Variants in FRMPD1 observed in about 807,000 individuals in gnomAD.
FRMPD1 encodes FERM and PDZ domain containing 1, also known as FERM and PDZ domain-containing protein 1.
In FRMPD1, 76 loss-of-function variants were observed where a neutral mutation model predicts 117.8. The observed-to-expected ratio is 0.65, with a 90% CI of 0.54 to 0.78. The LOEUF is 0.78. FRMPD1 is among the 30% of genes least tolerant of loss of function. The probability of loss-of-function intolerance (pLI) is 0.00; values close to 1 mark genes in which losing one functional copy is unlikely to be tolerated. For missense variants in FRMPD1, 1,786 were observed against 1,964.5 expected, an observed-to-expected ratio of 0.91 and a Z score of 1.72; for synonymous variants, 783 against 770.4, an observed-to-expected ratio of 1.02 and a Z score of -0.27.
chr9:37,745,714 G>A lies in FRMPD1; in HGVS notation c.3682G>A (p.Ala1228Thr). ...AGCCGTCCCTCCAGAGGGGATCAAG[G>A]CAGAGGCACCTAACCATGTGACAGG... Reference protein sequence around the residue: ...SPAVPPEGIKAEAPNHVTGQD... With the variant: ...SPAVPPEGIKTEAPNHVTGQD... The change falls in exon 16 of 16, where the codon GCA (alanine) becomes ACA (threonine). Residue 1228 changes from alanine (A) to threonine (T), a missense_variant. Coordinates refer to ENST00000377765, the MANE Select transcript of FRMPD1 (RefSeq NM_014907.3). The A allele has an allele frequency of 6.2e-7, 1 of 1,614,144 alleles. No individual in the cohort carries two copies. Among genetic ancestry groups the A allele is most frequent in the South Asian group, 1.1e-5 (1 of 91,076 alleles).
chr9:37,636,750 C>T, the FRMPD1 span: 9 of 1,593,818 alleles, frequency 5.6e-6, no homozygotes, highest in South Asian at 2.3e-5. Flanking sequence ...TTGGGCCGCT[C>T]GCCCCCGGAG....
At chr9:37,705,199 G>A (rs1822660412) in intron 2 of FRMPD1, among the ~76,000 whole-genome samples, 1 of 151,280 alleles carries the variant, frequency 6.6e-6, no homozygotes, top group African/African-American at 2.4e-5. Context: ...AATGTCATCT[G>A]CTAAAAAACA....
chr9:37,608,976 A>G, the FRMPD1 span, among the ~76,000 whole-genome samples: 2 of 152,156 alleles, frequency 1.3e-5, no homozygotes, highest in African/African-American at 2.4e-5. Flanking sequence ...TGTCCACTCA[A>G]CATCTCTGTT....
At chr9:37,680,548 G>A (rs933527806) in intron 1 of FRMPD1, among the ~76,000 whole-genome samples, 1 of 152,144 alleles carries the variant, frequency 6.6e-6, no homozygotes, top group African/African-American at 2.4e-5. Flanking sequence ...CATGGCAAAA[G>A]TCAGGAGGGC....
chr9:37,740,093 C>T lies in FRMPD1; in HGVS notation c.1565C>T (p.Ala522Val). ...VSAEEGYESR[A>V]CSDSEESSEV... ...TGTGTTGCAGGCTATGAATCCAGGG[C>T]CTGCAGTGACTCAGAGGAGTCCTCT... Residue 522 changes from alanine to valine, a missense_variant, in exon 15 of 16, where the codon GCC (alanine) becomes GTC (valine). By Grantham distance (64) the Ala-to-Val change is moderately conservative. Coordinates refer to ENST00000377765, the MANE Select transcript of FRMPD1 (RefSeq NM_014907.3). The surrounding 1 kb of genome is among the most constrained non-coding windows in gnomAD (Gnocchi z 4.2). 6.2e-7 allele frequency: 1 copy of T among 1,603,170 alleles called. No homozygotes were observed.
Position 37,740,818 on chromosome 9 carries a change from G to A in FRMPD1, c.2290G>A (p.Asp764Asn), listed in dbSNP as rs749165010. The A allele has an allele frequency of 1.9e-6, 3 of 1,614,166 alleles. No individual in the cohort carries two copies. The South Asian group carries it at 3.3e-5, about 18-fold the overall frequency. ...LALHPPLAFE[D>N]GSSDEEYYDA... The stretch of plus-strand genomic sequence containing the variant: ...CCTGCACCCACCACTGGCCTTTGAG[G>A]ATGGCAGCTCAGATGAGGAATACTA... The change falls in exon 15 of 16, where the codon GAT (aspartate) becomes AAT (asparagine). Residue 764 changes from aspartate (D) to asparagine (N), a missense_variant. Physicochemically the swap from Asp to Asn is conservative, Grantham distance 23. Coordinates refer to ENST00000377765, the MANE Select transcript of FRMPD1 (RefSeq NM_014907.3). This position sits in a 1 kb window ranked among gnomAD's most constrained non-coding sequence, Gnocchi z 4.2.
At chr9:37,713,736 A>G (rs1822998168) in intron 5 of FRMPD1, among the ~76,000 whole-genome samples, 1 of 152,104 alleles carries the variant, frequency 6.6e-6, no homozygotes, top group Admixed American at 6.5e-5. Flanking sequence ...TCTGTGGGAG[A>G]AAAGGCAATT....
chr9:37,616,023 G>A, the FRMPD1 span, among the ~76,000 whole-genome samples: 1 of 151,434 alleles, frequency 6.6e-6, no homozygotes, highest in Non-Finnish European at 1.5e-5. Flanking sequence ...CACCATGTTG[G>A]TCAGGCTGGT....
At chr9:37,697,929 A>G (rs1476827451) in intron 2 of FRMPD1, among the ~76,000 whole-genome samples, 1 of 152,230 alleles carries the variant, frequency 6.6e-6, no homozygotes, top group East Asian at 1.9e-4. Context: ...AGCCTGGCCA[A>G]CATAGTGAAA....
chr9:37,741,733 T>A (rs1336077214), intron 15 of FRMPD1, among the ~76,000 whole-genome samples: 2 of 152,162 alleles, frequency 1.3e-5, no homozygotes, highest in African/African-American at 4.8e-5. Context: ...CTCTCCCTCC[T>A]CCTGCATTCC....
chr9:37,670,262 C>T lies in FRMPD1; in HGVS notation c.-5+19168C>T, dbSNP rs1014371071. Among the ~76,000 whole-genome samples, 5 of 152,014 alleles carry T rather than the reference C, an allele frequency of 3.3e-5. 1 individual carries two copies. The highest frequency in any genetic ancestry group is 5.9e-5 in the Non-Finnish European group (4 of 68,014). On this transcript the variant is annotated intron_variant, in intron 1 of 15. Transcript: ENST00000377765. ...TGTTAAGTGCTGGGGGAGACGTATT[C>T]GAGTTTATCAGGAGGTAGAGAACAT...
intron 1 of FRMPD1, among the ~76,000 whole-genome samples, chr9:37,664,281 T>TTATG (rs751709624): frequency 1.7e-4 from 25 of 151,262 alleles, no homozygotes; most frequent in South Asian, 8.5e-4. Context: ...GCATCGACAT[T>TTATG]TATGTATGTA....
At chr9:37,684,232 C>G (rs530170037) in intron 1 of FRMPD1, among the ~76,000 whole-genome samples, 3 of 152,326 alleles carry the variant, frequency 2.0e-5, no homozygotes, top group Non-Finnish European at 4.4e-5. Context: ...GACAAGCAAG[C>G]TAATCTGATT....
the FRMPD1 span, chr9:37,637,347 G>A: frequency 3.6e-6 from 3 of 839,620 alleles, no homozygotes; most frequent in African/African-American, 1.7e-5. Flanking sequence ...TCCGCCTCCC[G>A]TTCCAAGATG....
intron 2 of FRMPD1, among the ~76,000 whole-genome samples, chr9:37,701,460 T>A (rs967940057): frequency 1.3e-5 from 2 of 151,474 alleles, no homozygotes; most frequent in Admixed American, 6.6e-5. Flanking sequence ...TGATTGGATA[T>A]GTTGGGGAAA....
intron 1 of FRMPD1, among the ~76,000 whole-genome samples, chr9:37,651,880 G>A (rs1290074811): frequency 6.6e-6 from 1 of 152,206 alleles, no homozygotes; most frequent in Admixed American, 6.5e-5. Flanking sequence ...CCGGATCTCT[G>A]CATTTAGTCA....
Position 37,733,513 on chromosome 9 carries a change from C to T in FRMPD1, c.1036C>T (p.Leu346Phe). 6.2e-7 allele frequency: 1 copy of T among 1,613,666 alleles called. No individual in the cohort carries two copies. Among genetic ancestry groups the T allele is most frequent in the Non-Finnish European group, 8.5e-7 (1 of 1,179,634 alleles). The change falls in exon 11 of 16, where the codon CTC becomes TTC. Residue 346 changes from leucine (L) to phenylalanine (F), a missense_variant. Leu to Phe is a conservative substitution (Grantham distance 22). Transcript: ENST00000377765. ...AGAGAACTTTATATCTCCAACTTTA[C>T]TCCGAAACATGAAAGGCAAAGACAT... is the stretch of plus-strand genomic sequence containing the variant. ...GIENFISPTL[L>F]RNMKGKDIKK...
intron 1 of FRMPD1, among the ~76,000 whole-genome samples, chr9:37,666,802 G>A (rs532884703): frequency 6.6e-6 from 1 of 152,332 alleles, no homozygotes; most frequent in East Asian, 1.9e-4. Flanking sequence ...ATAAAGGAAT[G>A]AAACGGGCAT....
chr9:37,612,622 G>A, the FRMPD1 span, among the ~76,000 whole-genome samples: 3 of 150,950 alleles, frequency 2.0e-5, no homozygotes, highest in African/African-American at 4.9e-5. Context: ...GGGTTCAAGC[G>A]ATTCCCCTGC....
Sources: gnomAD v4.1 joint callset for allele counts (sites outside exome capture counted in the v4.1 genomes callset) on GRCh38, gnomAD v4.1.1 for gene constraint, Gnocchi (gnomAD v3.1) non-coding constraint, MANE v1.5 for transcripts, NCBI Gene and HGNC (gene_info 2026-07-23, HGNC 2026-07-21) for gene names.